Variants in ZNF516 observed in about 807,000 individuals in gnomAD.
ZNF516 encodes zinc finger protein 516.
Under a neutral mutation model 79.7 loss-of-function variants are expected in ZNF516, and 19 were observed. The ratio of observed to expected loss-of-function variants is 0.24; its 90% CI spans 0.17 to 0.35. The LOEUF (loss-of-function observed/expected upper bound fraction) is 0.35, where lower values mean the gene tolerates loss of function less well. Ranked by LOEUF, ZNF516 falls within the 10% of genes least tolerant of loss-of-function variation. ZNF516 has a pLI of 1.00. For synonymous variants in ZNF516, 877 were observed against 739.5 expected (o/e 1.19, Z -3.02); for missense variants, 1,678 against 1,679.5 (o/e 1.00, Z 0.02).
At chr18:76,404,689 A>AT (rs2075279408) in intron 3 of ZNF516, among the ~76,000 whole-genome samples, 2 of 152,024 alleles carry the variant, frequency 1.3e-5, no homozygotes, top group Admixed American at 1.3e-4. Context: ...GCCTGTGAGC[A>AT]TGAGTGTGAG....
chr18:76,492,571 C>A, intron 1 of ZNF516: 1 of 376,018 alleles, frequency 2.7e-6, no homozygotes, highest in Non-Finnish European at 3.7e-6. Flanking sequence ...CTACGGAGTT[C>A]ACATCAGTTT....
intron 1 of ZNF516, among the ~76,000 whole-genome samples, chr18:76,481,464 C>G (rs191590492): frequency 6.6e-6 from 1 of 152,142 alleles, no homozygotes. Flanking sequence ...CCAAATGGCT[C>G]GGACCAAAAT....
intron 1 of ZNF516, among the ~76,000 whole-genome samples, chr18:76,475,856 C>G (rs1032645777): frequency 6.6e-6 from 1 of 152,144 alleles, no homozygotes; most frequent in Non-Finnish European, 1.5e-5. Context: ...ATTTTAAATT[C>G]TTTAAAATGT....
At chr18:76,404,261 G>A (rs2075270371) in intron 3 of ZNF516, among the ~76,000 whole-genome samples, 2 of 152,274 alleles carry the variant, frequency 1.3e-5, no homozygotes, top group African/African-American at 4.8e-5. Context: ...CTCACATGCA[G>A]CTCCACACAC....
intron 3 of ZNF516, among the ~76,000 whole-genome samples, chr18:76,400,476 T>C (rs916523422): frequency 6.6e-6 from 1 of 152,166 alleles, no homozygotes; most frequent in African/African-American, 2.4e-5. Flanking sequence ...AATAAACAAA[T>C]AAACATCCCA....
chr18:76,414,118 T>A (rs985739173), intron 3 of ZNF516, among the ~76,000 whole-genome samples: 1 of 152,260 alleles, frequency 6.6e-6, no homozygotes, highest in Non-Finnish European at 1.5e-5. Context: ...AAGACTAACA[T>A]GTACATATAT....
intron 2 of ZNF516, among the ~76,000 whole-genome samples, chr18:76,457,824 G>A (rs764550641): frequency 2.0e-5 from 3 of 152,202 alleles, no homozygotes; most frequent in Admixed American, 2.0e-4. Context: ...ACCCAAGGAG[G>A]TTCCCTTTGT....
At chr18:76,449,303 C>A (rs1352924944) in intron 2 of ZNF516, among the ~76,000 whole-genome samples, 1 of 152,212 alleles carries the variant, frequency 6.6e-6, no homozygotes, top group South Asian at 2.1e-4. Flanking sequence ...GAGCCCTGAG[C>A]CCTACTCCGG....
At chr18:76,447,119 A>G (rs1247584718) in intron 2 of ZNF516, among the ~76,000 whole-genome samples, 5 of 152,240 alleles carry the variant, frequency 3.3e-5, no homozygotes, top group East Asian at 1.9e-4. Flanking sequence ...AGATCTCTGT[A>G]ATCATTCTTT....
At chr18:76,375,032 T>G (rs1178617987) in intron 4 of ZNF516, among the ~76,000 whole-genome samples, 1 of 151,964 alleles carries the variant, frequency 6.6e-6, no homozygotes, top group Admixed American at 6.6e-5. Flanking sequence ...CCTAAGAAAG[T>G]GTAGTTACTC....
chr18:76,364,615 C>T (rs1286251544), intron 6 of ZNF516, among the ~76,000 whole-genome samples: 1 of 152,212 alleles, frequency 6.6e-6, no homozygotes, highest in African/African-American at 2.4e-5. Flanking sequence ...TCCACTTTCT[C>T]TCTTTCTTTT....
At position 76,442,936 on chromosome 18, in the gene ZNF516, C is replaced by T. The variant is rs1911802638; in HGVS notation, c.119G>A (p.Gly40Asp). 1.2e-6 allele frequency: 2 copies of T among 1,611,352 alleles called. No homozygotes were observed. The highest frequency in any genetic ancestry group is 1.3e-5 in the African/African-American group (1 of 74,920). Residue 40 changes from glycine to aspartate, a missense_variant, in exon 3 of 7, where the codon GGC becomes GAC. Physicochemically the swap from Gly to Asp is moderately conservative, Grantham distance 94. Coordinates refer to ENST00000443185, the MANE Select transcript of ZNF516 (RefSeq NM_014643.4). Reference protein sequence around the residue: ...KATCHTCCICGKSFPFQSSLS... With the variant: ...KATCHTCCICDKSFPFQSSLS... ...CGAGCTCTGGAAGGGGAAGCTCTTG[C>T]CGCAGATGCAGCAGGTGTGGCAGGT...
chr18:76,494,922 T>C (rs1411891090), intron 1 of ZNF516, among the ~76,000 whole-genome samples: 8 of 115,808 alleles, frequency 6.9e-5, no homozygotes, highest in African/African-American at 2.7e-4. Context: ...CATCTTCCCC[T>C]ATCCTGGAAT....
At chr18:76,494,511 G>A (rs1196228784) in intron 1 of ZNF516, among the ~76,000 whole-genome samples, 1 of 142,842 alleles carries the variant, frequency 7.0e-6, no homozygotes, top group Non-Finnish European at 1.5e-5. Context: ...TTAACGTTAG[G>A]GTCACTTAGA....
At chr18:76,383,680 C>A (rs1252289256) in intron 3 of ZNF516, among the ~76,000 whole-genome samples, 1 of 152,228 alleles carries the variant, frequency 6.6e-6, no homozygotes, top group Non-Finnish European at 1.5e-5. Flanking sequence ...CCCGGACCCT[C>A]TTCTGACCGA....
In ZNF516 at chr18:76,441,408, G is replaced by C; in HGVS notation, c.1647C>G (p.Asp549Glu). Residue 549 changes from aspartate to glutamate, a missense_variant, in exon 3 of 7, where the codon GAC becomes GAG. This residue lies in a region of ZNF516 where 1,294 missense variants were observed against 1,248.3 expected (regional missense o/e 1.04). Transcript: ENST00000443185. ...RARRERDSDG[D>E]RAARARCGSL... ...ATCCGCAGCGGGCCCGCGCCGCCCT[G>C]TCCCCGTCACTGTCCCTCTCGCGGC... The C allele has an allele frequency of 6.2e-7, 1 of 1,609,000 alleles. No individual in the cohort carries two copies. The highest frequency in any genetic ancestry group is 1.1e-5 in the South Asian group (1 of 90,934).
upstream of ZNF516, chr18:76,496,140 T>A (rs1189796050): frequency 5.2e-6 from 2 of 382,868 alleles, no homozygotes; most frequent in Admixed American, 1.7e-4. Flanking sequence ...ATGGCCGGGG[T>A]GGGGGAGGGG....
At chr18:76,416,745 C>T (rs1027855905) in intron 3 of ZNF516, among the ~76,000 whole-genome samples, 3 of 152,122 alleles carry the variant, frequency 2.0e-5, no homozygotes, top group Non-Finnish European at 2.9e-5. Context: ...TCAGTAATGG[C>T]GAAAAGCAAA....
intron 3 of ZNF516, among the ~76,000 whole-genome samples, chr18:76,417,184 C>T (rs569342045): frequency 2.0e-5 from 3 of 152,314 alleles, no homozygotes; most frequent in East Asian, 3.9e-4. Context: ...GGCTACTGAA[C>T]GGCTCATCTG....
Sources: allele counts gnomAD v4.1 joint callset (sites outside exome capture counted in the v4.1 genomes callset), GRCh38; gene constraint gnomAD v4.1.1; regional missense constraint gnomAD v4.1.1; transcripts MANE v1.5; gene names NCBI Gene and HGNC (gene_info 2026-07-23, HGNC 2026-07-21).